CFHR3: variants seen among roughly 807,000 people sequenced by gnomAD.
CFHR3 encodes the protein complement factor H-related protein 3.
CFHR3 carries 22 observed loss-of-function variants against 36.0 expected under a neutral mutation model. The ratio of observed to expected loss-of-function variants is 0.61; its 90% confidence interval spans 0.44 to 0.87. CFHR3 has a LOEUF of 0.87. CFHR3 is among the 40% of genes least tolerant of loss of function. The pLI is 0.00. For missense variants in CFHR3, 276 were observed against 401.3 expected (o/e 0.69, Z 2.67); for synonymous variants, 97 against 137.4 (o/e 0.71, Z 2.06).
rs1376614326 is a variant in CFHR3 at position 196,794,992 on chromosome 1, T to C, written c.*1479T>C. 7.3e-6 allele frequency: 1 copy of C among 137,308 alleles called. No homozygotes were observed. Among genetic ancestry groups the C allele is most frequent in the Non-Finnish European group, 1.5e-5 (1 of 64,954 alleles). 8.5% of individuals were successfully genotyped at this position (137,308 alleles called of 1,614,324 possible). On this transcript the variant is annotated 3_prime_UTR_variant, in exon 6 of 6. Coordinates refer to ENST00000367425, the MANE Select transcript of CFHR3 (RefSeq NM_021023.6). ...TATCAAATCTAACTCAGTTTTCAAA[T>C]AACAGGTTTGCAGAGACTGGAGAAT...
At chr1:196,779,671 G>A (rs1653865956) in intron 2 of CFHR3, 126 bp from the exon 3 acceptor site, 1 of 1,252,234 alleles carries the variant, frequency 8.0e-7, no homozygotes, top group Admixed American at 2.4e-5. Flanking sequence ...TTCATACTAA[G>A]TTGTACATTA....
Position 196,779,484 on chromosome 1 carries a change from A to G in CFHR3, c.253+128A>G, listed in dbSNP as rs528828746. The G allele has an allele frequency of 8.0e-5, 67 of 834,346 alleles. 14 individuals carry two copies. In the African/African-American group the frequency reaches 1.4e-3, roughly 17 times the overall value. 51.7% of individuals were successfully genotyped at this position (834,346 alleles called of 1,614,324 possible). A position where few individuals can be genotyped will look rare whatever the true frequency, so the allele number is the denominator to read the frequency against. The stretch of plus-strand genomic sequence containing the variant: ...CCAAGAAATGAGTTGTTCAAGCAAA[A>G]TGACCAAAATAGATCTTTTCTATTA... On this transcript the variant is annotated intron_variant, in intron 2 of 5. Transcript: ENST00000367425.
intron 1 of CFHR3, 92 bp from the exon 2 acceptor site, chr1:196,779,070 T>A: frequency 1.0e-6 from 1 of 1,003,934 alleles, no homozygotes; most frequent in Non-Finnish European, 1.4e-6. Context: ...CACAAGAAAA[T>A]GTTTGAGAGA....
rs1219443544 is a variant in CFHR3 at position 196,788,755 on chromosome 1, T to A, written c.613+357T>A. 4 of 1,451,586 alleles carry A rather than the reference T, an allele frequency of 2.8e-6. 1 individual carries two copies. The highest frequency in any genetic ancestry group is 2.7e-6 in the Non-Finnish European group (3 of 1,094,864). 89.9% of individuals were successfully genotyped at this position (1,451,586 alleles called of 1,614,324 possible). A position where few individuals can be genotyped will look rare whatever the true frequency, so the allele number is the denominator to read the frequency against. ...TTTCAAAATTATCAGCTGCTTGTAT[T>A]GCATTCCGTGCTCACGCTCAGAAAA... On this transcript the variant is annotated intron_variant, in intron 4 of 5. Coordinates refer to ENST00000367425, the MANE Select transcript of CFHR3 (RefSeq NM_021023.6).
At chr1:196,779,690 T>A in intron 2 of CFHR3, 107 bp from the exon 3 acceptor site, 1 of 1,325,470 alleles carries the variant, frequency 7.5e-7, no homozygotes, top group Non-Finnish European at 1.0e-6. Context: ...TATTTTTGGA[T>A]GTTTATGCGA....
At position 196,783,132 on chromosome 1, in the gene CFHR3, C is replaced by G. The variant is rs923019927; in HGVS notation, c.430+3159C>G. On this transcript the variant is annotated intron_variant, in intron 3 of 5. Coordinates refer to ENST00000367425, the MANE Select transcript of CFHR3 (RefSeq NM_021023.6). Reference sequence around the variant, plus strand: ...ATTGATTTGCGTATATTGAACTAGCCTTGCATCCCCGGGATGAAGACCACT... The same window carrying G: ...ATTGATTTGCGTATATTGAACTAGCGTTGCATCCCCGGGATGAAGACCACT... Among the ~76,000 whole-genome samples, 4 of 136,534 alleles carry G rather than the reference C, an allele frequency of 2.9e-5. 2 individuals are homozygous for G. Among genetic ancestry groups the G allele is most frequent in the Non-Finnish European group, 6.2e-5 (4 of 64,538 alleles). The allele number at this position is 136,534 out of a possible 152,430, so 89.6% of individuals were successfully genotyped here.
At chr1:196,791,640 GT>G (rs1191040450) in intron 5 of CFHR3, among the ~76,000 whole-genome samples, 2 of 131,260 alleles carry the variant, frequency 1.5e-5, no homozygotes, top group Non-Finnish European at 3.2e-5. Flanking sequence ...CTTAATTATT[GT>G]CCCCTACTTA....
chr1:196,776,090 A>C lies in CFHR3; in HGVS notation c.58+1146A>C, dbSNP rs1653706607. Among the ~76,000 whole-genome samples the C allele has an allele frequency of 1.6e-5, 2 of 122,060 alleles. 1 individual carries two copies. The highest frequency in any genetic ancestry group is 1.7e-4 in the Admixed American group (2 of 11,916). 80.1% of individuals were successfully genotyped at this position (122,060 alleles called of 152,430 possible). On this transcript the variant is annotated intron_variant, in intron 1 of 5. Coordinates refer to ENST00000367425, the MANE Select transcript of CFHR3 (RefSeq NM_021023.6). The stretch of plus-strand genomic sequence containing the variant: ...GGTACATTTCTTCAAATAAAGACTA[A>C]ATAGATTAAAGTAGAATGCAAAGAA...
Position 196,788,948 on chromosome 1 carries a change from A to G in CFHR3, c.613+550A>G, listed in dbSNP as rs1487941136. ...AGAAAACAAGTAAAGGAAAAGGGTA[A>G]GTGGGTGGGCTGAATGTTTACAAAC... On this transcript the variant is annotated intron_variant, in intron 4 of 5. Transcript: ENST00000367425. 107 of 1,365,098 alleles carry G rather than the reference A, an allele frequency of 7.8e-5. 23 individuals carry two copies. The African/African-American group carries it at 1.3e-3, about 17-fold the overall frequency. 84.6% of individuals were successfully genotyped at this position (1,365,098 alleles called of 1,614,324 possible).
rs572507306 is a variant in CFHR3, at chr1:196,783,203, G to C, written c.430+3230G>C. Among the ~76,000 whole-genome samples the C allele has an allele frequency of 2.2e-5, 3 of 136,726 alleles. 1 individual carries two copies. The highest frequency in any genetic ancestry group is 4.6e-5 in the Non-Finnish European group (3 of 64,558). The allele number at this position is 136,726 out of a possible 152,430, so 89.7% of individuals were successfully genotyped here. On this transcript the variant is annotated intron_variant, in intron 3 of 5. Transcript: ENST00000367425. ...TTTGATGTGCTGTTGGATTCGGTTT[G>C]CCAGTATTTTATTGAGGATTTTTGT...
Position 196,794,280 on chromosome 1 carries a change from C to T in CFHR3, c.*767C>T, listed in dbSNP as rs550424914. On this transcript the variant is annotated 3_prime_UTR_variant, in exon 6 of 6. Transcript: ENST00000367425. ...AAGTTCAAGACCAGCCTGTTCAACA[C>T]GGTGAAACCCTGTCTCTACTAAAAA... Among the ~76,000 whole-genome samples, 9 of 136,216 alleles carry T rather than the reference C, an allele frequency of 6.6e-5. 1 individual carries two copies. Among genetic ancestry groups the T allele is most frequent in the East Asian group, 2.0e-4 (1 of 5,070 alleles). The allele number at this position is 136,216 out of a possible 152,430, so 89.4% of individuals were successfully genotyped here. A position where few individuals can be genotyped will look rare whatever the true frequency, so the allele number is the denominator to read the frequency against.
chr1:196,776,830 C>A (rs1250817269), intron 1 of CFHR3, among the ~76,000 whole-genome samples: 1 of 112,034 alleles, frequency 8.9e-6, no homozygotes, highest in Non-Finnish European at 1.7e-5. Context: ...ACTTTTTACT[C>A]AAGGATATAT....
intron 1 of CFHR3, among the ~76,000 whole-genome samples, chr1:196,777,990 A>T (rs1653797749): frequency 7.5e-6 from 1 of 133,266 alleles, no homozygotes; most frequent in African/African-American, 3.2e-5. Context: ...GTTAAAAAAA[A>T]AAAAAAAAAA....
chr1:196,776,552 C>T (rs1653728371), intron 1 of CFHR3, among the ~76,000 whole-genome samples: 2 of 135,924 alleles, frequency 1.5e-5, no homozygotes, highest in Non-Finnish European at 1.6e-5. Flanking sequence ...AACTGGTGTC[C>T]ATATAAGAAG....
rs1224952565 is a variant in CFHR3, at chr1:196,794,482, G to T, written c.*969G>T. 2.7e-4 allele frequency: 103 copies of T among 378,102 alleles called. 18 individuals carry two copies. Among genetic ancestry groups the T allele is most frequent in the South Asian group, 1.1e-3 (51 of 45,578 alleles). 23.4% of individuals were successfully genotyped at this position (378,102 alleles called of 1,614,324 possible). ...TGTCTTAAAAATAAATAAATAGGAT[G>T]CTGAAAATTCCTATTTAAGGAAATA... is the stretch of plus-strand genomic sequence containing the variant. On this transcript the variant is annotated 3_prime_UTR_variant, in exon 6 of 6. Transcript: ENST00000367425.
chr1:196,788,642 T>A, intron 4 of CFHR3: 3 of 1,408,742 alleles, frequency 2.1e-6, no homozygotes, highest in Non-Finnish European at 2.8e-6. Context: ...AATCTTATCA[T>A]GTACAGACTA....
At position 196,775,025 on chromosome 1, in the gene CFHR3, T is replaced by C. The variant is rs1653656634; in HGVS notation, c.58+81T>C. 1.7e-6 allele frequency: 2 copies of C among 1,176,756 alleles called. 1 individual carries two copies. 72.9% of individuals were successfully genotyped at this position (1,176,756 alleles called of 1,614,324 possible). The stretch of plus-strand genomic sequence containing the variant: ...ATATCTAGCTTTGTATGTCTATAAT[T>C]ATTTTATGAATCAAAGAGGATTTAT... On this transcript the variant is annotated intron_variant, in intron 1 of 5. Coordinates refer to ENST00000367425, the MANE Select transcript of CFHR3 (RefSeq NM_021023.6).
rs1453184005 is a variant in CFHR3, at chr1:196,790,582, G to A, written c.796+355G>A. 6.6e-5 allele frequency among the ~76,000 whole-genome samples: 9 copies of A among 135,452 alleles called. 1 individual carries two copies. The highest frequency in any genetic ancestry group is 2.8e-4 in the African/African-American group (9 of 32,304). 88.9% of individuals were successfully genotyped at this position (135,452 alleles called of 152,430 possible). On this transcript the variant is annotated intron_variant, in intron 5 of 5. Coordinates refer to ENST00000367425, the MANE Select transcript of CFHR3 (RefSeq NM_021023.6). ...CTACAAAAAATACAAAAATTAGCCA[G>A]GCATGCTGGCATATGCCTGTAATCC... is the stretch of plus-strand genomic sequence containing the variant.
rs1028682698 is a variant in CFHR3 at position 196,775,638 on chromosome 1, CTAGA to C, written c.58+698_58+701del. ...TTATGTCATTGTTCACTGATTTCTC[CTAGA>C]TAGTCATATATTTTCTGTATTAATT... On this transcript the variant is annotated intron_variant, in intron 1 of 5. Coordinates refer to ENST00000367425, the MANE Select transcript of CFHR3 (RefSeq NM_021023.6). Among the ~76,000 whole-genome samples, 18 of 137,064 alleles carry C rather than the reference CTAGA, an allele frequency of 1.3e-4. 3 individuals are homozygous for C. In the South Asian group the frequency reaches 2.0e-3, roughly 15 times the overall value. The allele number at this position is 137,064 out of a possible 152,430, so 89.9% of individuals were successfully genotyped here. A position where few individuals can be genotyped will look rare whatever the true frequency, so the allele number is the denominator to read the frequency against.
Sources: allele counts gnomAD v4.1 joint callset (sites outside exome capture counted in the v4.1 genomes callset), GRCh38; gene constraint gnomAD v4.1.1; transcripts MANE v1.5; gene names NCBI Gene and HGNC (gene_info 2026-07-23, HGNC 2026-07-21).